The following PRDM16 variants were observed in gnomAD, a reference collection of about 807,000 sequenced individuals.
PRDM16 encodes the protein histone-lysine N-methyltransferase PRDM16.
In PRDM16, 23 loss-of-function variants were observed where a neutral mutation model predicts 110.6. The ratio of observed to expected loss-of-function variants is 0.21; its 90% confidence interval spans 0.15 to 0.29. The LOEUF is 0.29. PRDM16 is among the 10% of genes least tolerant of loss of function. The probability of loss-of-function intolerance (pLI) is 1.00; values close to 1 mark genes in which losing one functional copy is unlikely to be tolerated. For missense variants in PRDM16, 1,615 were observed against 1,794.3 expected (o/e 0.90, Z 1.81); for synonymous variants, 799 against 781.8 (o/e 1.02, Z -0.37).
intron 2 of PRDM16, among the ~76,000 whole-genome samples, chr1:3,205,281 G>A (rs929428591): frequency 2.6e-5 from 4 of 152,034 alleles, no homozygotes; most frequent in Non-Finnish European, 2.9e-5. Flanking sequence ...GAGCTCCCTC[G>A]GCCCCAAGTT....
chr1:3,187,154 G>A (rs560779584), intron 2 of PRDM16, among the ~76,000 whole-genome samples: 1 of 152,350 alleles, frequency 6.6e-6, no homozygotes, highest in East Asian at 1.9e-4. Flanking sequence ...CCCAGGTTGT[G>A]AGGGACGCTA....
At position 3,425,095 on chromosome 1, in the gene PRDM16, T is replaced by TG. The variant is rs1638557643; in HGVS notation, c.2940-485dup. The TG allele has an allele frequency of 6.6e-6, 1 of 151,060 alleles. No individual in the cohort carries two copies. The highest frequency in any genetic ancestry group is 2.5e-5 in the African/African-American group (1 of 40,554). 9.4% of individuals were successfully genotyped at this position (151,060 alleles called of 1,614,324 possible). A position where few individuals can be genotyped will look rare whatever the true frequency, so the allele number is the denominator to read the frequency against. The stretch of plus-strand genomic sequence containing the variant: ...GCTTGCTTTTTTTTTTTTTTTTTTT[T>TG]GAGATGGAGTCTCGCTCTGTCGCCC... On this transcript the variant is annotated intron_variant, in intron 12 of 16. Transcript: ENST00000270722. The surrounding 1 kb of genome is among the most constrained non-coding windows in gnomAD (Gnocchi z 6.9).
intron 3 of PRDM16, among the ~76,000 whole-genome samples, chr1:3,286,390 G>A (rs1473081728): frequency 6.6e-6 from 1 of 152,128 alleles, no homozygotes; most frequent in Non-Finnish European, 1.5e-5. Context: ...GCCCCAGGTG[G>A]GTGACATGCA....
intron 2 of PRDM16, among the ~76,000 whole-genome samples, chr1:3,217,703 C>T (rs991753586): frequency 3.3e-5 from 5 of 152,240 alleles, no homozygotes; most frequent in South Asian, 4.1e-4. Context: ...GTCCCCGTGC[C>T]GTGCATCCCG....
rs574415052 is a variant in PRDM16 at position 3,303,258 on chromosome 1, A to G, written c.438+59121A>G. On this transcript the variant is annotated intron_variant, in intron 3 of 16. Transcript: ENST00000270722. ...CTCCCCCCAGCCCCTGGTAATCATG[A>G]ATGTCCTCTCTGTCTCTGTGGATTT... Among the ~76,000 whole-genome samples, 3 of 150,978 alleles carry G rather than the reference A, an allele frequency of 2.0e-5. 1 individual carries two copies. In the East Asian group the frequency reaches 5.9e-4, roughly 30 times the overall value.
intron 3 of PRDM16, among the ~76,000 whole-genome samples, chr1:3,332,206 T>C (rs1465104320): frequency 6.6e-6 from 1 of 152,282 alleles, no homozygotes; most frequent in Non-Finnish European, 1.5e-5. Context: ...GGGAGGTGCG[T>C]GCACTGGGAA....
intron 1 of PRDM16, among the ~76,000 whole-genome samples, chr1:3,073,380 T>A (rs1641813611): frequency 6.6e-6 from 1 of 152,254 alleles, no homozygotes; most frequent in Non-Finnish European, 1.5e-5. Flanking sequence ...TCAACAAAAA[T>A]TATCCGGGAT....
intron 1 of PRDM16, among the ~76,000 whole-genome samples, chr1:3,103,045 T>C (rs1642568780): frequency 6.6e-6 from 1 of 152,112 alleles, no homozygotes; most frequent in Non-Finnish European, 1.5e-5. Flanking sequence ...CAGTCTGGGG[T>C]GCAAATACGT....
intron 1 of PRDM16, among the ~76,000 whole-genome samples, chr1:3,165,591 CCAGGGACAGGGACTCACCTGGGCT>C (rs1557495919): frequency 0.012 from 134 of 11,498 alleles, 1 homozygote; most frequent in Non-Finnish European, 0.015. Flanking sequence ...TCACCTGGGC[CCAGGGACAGGGACTCACCTGGGCT>C]CAGGGACAGG....
intron 3 of PRDM16, among the ~76,000 whole-genome samples, chr1:3,330,225 C>T (rs1642015343): frequency 6.6e-6 from 1 of 152,238 alleles, no homozygotes; most frequent in Non-Finnish European, 1.5e-5. Flanking sequence ...CTGGGTGGGC[C>T]TCAGACCCAA....
At chr1:3,198,230 T>C (rs1638530158) in intron 2 of PRDM16, among the ~76,000 whole-genome samples, 2 of 152,122 alleles carry the variant, frequency 1.3e-5, no homozygotes, top group Non-Finnish European at 2.9e-5. Context: ...GCACCTGCCT[T>C]AAGGGGCCAG....
Position 3,290,861 on chromosome 1 carries a change from A to G in PRDM16, c.438+46724A>G, listed in dbSNP as rs991727308. Among the ~76,000 whole-genome samples the G allele has an allele frequency of 2.0e-5, 3 of 152,030 alleles. No individual in the cohort carries two copies. Among genetic ancestry groups the G allele is most frequent in the Non-Finnish European group, 4.4e-5 (3 of 68,016 alleles). ...GCTCTGTTTGGGAAGGGCCCGGAGC[A>G]CTGGGGGCCCGAGGTATCTTTCAAA... On this transcript the variant is annotated intron_variant, in intron 3 of 16. Coordinates refer to ENST00000270722, the MANE Select transcript of PRDM16 (RefSeq NM_022114.4). The surrounding 1 kb of genome is among the most constrained non-coding windows in gnomAD (Gnocchi z 4.8).
chr1:3,375,158 G>A (rs1039196107), intron 3 of PRDM16, among the ~76,000 whole-genome samples: 1 of 152,216 alleles, frequency 6.6e-6, no homozygotes, highest in African/African-American at 2.4e-5. Context: ...GATGAGGATG[G>A]TGGGAGATCG....
intron 3 of PRDM16, among the ~76,000 whole-genome samples, chr1:3,365,019 A>G (rs1027264108): frequency 2.6e-5 from 4 of 152,172 alleles, no homozygotes; most frequent in African/African-American, 9.6e-5. Flanking sequence ...ATGCAAAGGA[A>G]GGGAAGGCAC....
chr1:3,142,098 G>T (rs115692019), intron 1 of PRDM16, among the ~76,000 whole-genome samples: 4 of 152,228 alleles, frequency 2.6e-5, no homozygotes, highest in African/African-American at 4.8e-5. Context: ...AACCAAGCTC[G>T]TGAGAAACGG....
intron 3 of PRDM16, among the ~76,000 whole-genome samples, chr1:3,263,333 C>G (rs138195512): frequency 1.1e-3 from 167 of 152,310 alleles, no homozygotes; most frequent in African/African-American, 3.9e-3. Flanking sequence ...AGGGGTAGAC[C>G]AGAATTCTGG....
chr1:3,197,691 G>T (rs1464419843), intron 2 of PRDM16, among the ~76,000 whole-genome samples: 3 of 152,192 alleles, frequency 2.0e-5, no homozygotes, highest in African/African-American at 7.2e-5. Context: ...CAGAATGGGT[G>T]GGGAGGGCGG....
At chr1:3,299,657 G>T (rs1641167861) in intron 3 of PRDM16, among the ~76,000 whole-genome samples, 1 of 130,584 alleles carries the variant, frequency 7.7e-6, no homozygotes, top group African/African-American at 3.0e-5. Flanking sequence ...AAGATGCTAT[G>T]CTGTGGCCGT....
intron 14 of PRDM16, among the ~76,000 whole-genome samples, chr1:3,426,896 C>T (rs779978793): frequency 2.6e-5 from 4 of 152,146 alleles, no homozygotes; most frequent in African/African-American, 4.8e-5. Context: ...CTGCCCTTTG[C>T]GTGCAGGTCC....
Sources: allele counts gnomAD v4.1 joint callset (sites outside exome capture counted in the v4.1 genomes callset), GRCh38; gene constraint gnomAD v4.1.1; non-coding constraint Gnocchi (gnomAD v3.1); transcripts MANE v1.5; gene names NCBI Gene and HGNC (gene_info 2026-07-23, HGNC 2026-07-21).